The following FRMD5 variants were observed in gnomAD, a reference collection of about 807,000 sequenced individuals.
FRMD5 encodes the protein FERM domain containing 5, also known as FERM domain-containing protein 5.
FRMD5 carries 20 observed loss-of-function variants against 69.0 expected under a neutral mutation model. That is an observed-to-expected ratio of 0.29 (90% CI 0.20 to 0.42). The LOEUF is 0.42. Ranked by LOEUF, FRMD5 falls within the 10% of genes least tolerant of loss-of-function variation. The pLI is 1.00. For missense variants in FRMD5, 595 were observed against 708.6 expected (o/e 0.84, Z 1.82); for synonymous variants, 271 against 260.1 (o/e 1.04, Z -0.40).
chr15:43,885,886 T>C, intron 10 of FRMD5, 131 bp from the exon 11 acceptor site: 1 of 706,118 alleles, frequency 1.4e-6, no homozygotes, highest in Non-Finnish European at 2.6e-6. Context: ...TCCACATTTG[T>C]CTCTGACTCT....
At chr15:43,924,350 C>T in intron 1 of FRMD5, 41 bp from the exon 2 acceptor site, 2 of 1,400,940 alleles carry the variant, frequency 1.4e-6, no homozygotes. Flanking sequence ...GAGTGGGTTT[C>T]TTCAGTGTAA....
At chr15:44,032,770 C>A (rs2140288889) in intron 1 of FRMD5, among the ~76,000 whole-genome samples, 1 of 152,140 alleles carries the variant, frequency 6.6e-6, no homozygotes, top group East Asian at 1.9e-4. Flanking sequence ...TAAATTAGTT[C>A]AACCATTGTG....
rs551202578 is a variant in FRMD5, at chr15:43,874,605, C to T, written c.1136-143G>A. 1.8e-4 allele frequency: 115 copies of T among 648,958 alleles called. No individual in the cohort carries two copies. In the East Asian group the frequency reaches 2.8e-3, roughly 16 times the overall value. 40.2% of individuals were successfully genotyped at this position (648,958 alleles called of 1,614,324 possible). On this transcript the variant is annotated intron_variant, in intron 13 of 13. Coordinates refer to ENST00000417257, the MANE Select transcript of FRMD5 (RefSeq NM_032892.5). ...GCCACTGCACTCTATTTTGATATAT[C>T]GAGAAGACGACAGGCCGGGTATGGT...
chr15:44,029,111 C>T (rs1011238505), intron 1 of FRMD5, among the ~76,000 whole-genome samples: 1 of 152,158 alleles, frequency 6.6e-6, no homozygotes, highest in Non-Finnish European at 1.5e-5. Flanking sequence ...GGAAACTGAT[C>T]AACTAGCAAA....
At chr15:44,012,771 T>G (rs1227659940) in intron 1 of FRMD5, among the ~76,000 whole-genome samples, 2 of 149,280 alleles carry the variant, frequency 1.3e-5, no homozygotes, top group African/African-American at 4.9e-5. Flanking sequence ...GTTTTTTTTT[T>G]TTTTTTTTTT....
chr15:44,177,309 G>A (rs1425063225), intron 1 of FRMD5, among the ~76,000 whole-genome samples: 1 of 152,062 alleles, frequency 6.6e-6, no homozygotes, highest in African/African-American at 2.4e-5. Context: ...TAGCCAAAAA[G>A]TTGAAATGTC....
chr15:43,942,100 A>G (rs777219541), intron 1 of FRMD5, among the ~76,000 whole-genome samples: 20 of 152,224 alleles, frequency 1.3e-4, no homozygotes, highest in Non-Finnish European at 2.6e-4. Flanking sequence ...GGGTAGAGGG[A>G]GAGGAAGGAA....
At chr15:44,154,239 A>G (rs1233391978) in intron 1 of FRMD5, among the ~76,000 whole-genome samples, 1 of 152,026 alleles carries the variant, frequency 6.6e-6, no homozygotes, top group Non-Finnish European at 1.5e-5. Context: ...GGGAGGATCA[A>G]TTGAGCCTGG....
chr15:44,036,993 T>C (rs1891944338), intron 1 of FRMD5, among the ~76,000 whole-genome samples: 1 of 151,596 alleles, frequency 6.6e-6, no homozygotes, highest in Admixed American at 6.6e-5. Flanking sequence ...CAACTACAGT[T>C]TTTTTTTTAA....
intron 1 of FRMD5, among the ~76,000 whole-genome samples, chr15:44,049,454 C>G (rs1032462469): frequency 2.0e-5 from 3 of 152,092 alleles, no homozygotes; most frequent in Non-Finnish European, 4.4e-5. Flanking sequence ...ATTCCATATT[C>G]CAGCCATCAA....
intron 1 of FRMD5, among the ~76,000 whole-genome samples, chr15:44,028,094 AAAGG>A (rs1487109344): frequency 6.6e-6 from 1 of 152,196 alleles, no homozygotes; most frequent in Non-Finnish European, 1.5e-5. Context: ...ATCACACGGA[AAAGG>A]AAGGGAGAAT....
intron 2 of FRMD5, among the ~76,000 whole-genome samples, chr15:43,921,839 T>C (rs986709077): frequency 6.6e-5 from 10 of 152,016 alleles, no homozygotes; most frequent in Admixed American, 3.3e-4. Flanking sequence ...GGAAGGAAAG[T>C]AAGGGCAGCT....
intron 13 of FRMD5, chr15:43,876,036 T>C (rs1025674254): frequency 1.7e-6 from 2 of 1,192,726 alleles, no homozygotes; most frequent in Non-Finnish European, 1.3e-6. Context: ...TTCACTATAT[T>C]GTGTGGCCAC....
intron 1 of FRMD5, among the ~76,000 whole-genome samples, chr15:43,986,509 C>G (rs1413048445): frequency 6.6e-6 from 1 of 152,020 alleles, no homozygotes; most frequent in Non-Finnish European, 1.5e-5. Context: ...TGAAGATGTC[C>G]CAGAGGAAGT....
Position 44,031,496 on chromosome 15 carries a change from C to T in FRMD5, c.103-107187G>A, listed in dbSNP as rs1891680575. On this transcript the variant is annotated intron_variant, in intron 1 of 13. Coordinates refer to ENST00000417257, the MANE Select transcript of FRMD5 (RefSeq NM_032892.5). ...CCCTCTTCTTGGTTCATAGATGGTG[C>T]CTTCTTAATATGTCCTTACATGGTG... 8.5e-5 allele frequency among the ~76,000 whole-genome samples: 13 copies of T among 152,080 alleles called. No individual in the cohort carries two copies. The South Asian group carries it at 2.7e-3, about 32-fold the overall frequency.
At chr15:44,179,498 G>T (rs1427735323) in intron 1 of FRMD5, among the ~76,000 whole-genome samples, 1 of 152,182 alleles carries the variant, frequency 6.6e-6, no homozygotes, top group Non-Finnish European at 1.5e-5. Context: ...CCTGAAATCA[G>T]TTGAATGAGC....
rs866229632 is a variant in FRMD5 at position 44,007,741 on chromosome 15, G to A, written c.103-83432C>T. 6.1e-5 allele frequency among the ~76,000 whole-genome samples: 9 copies of A among 147,364 alleles called. 1 individual carries two copies. In the South Asian group the frequency reaches 1.5e-3, roughly 25 times the overall value. On this transcript the variant is annotated intron_variant, in intron 1 of 13. Coordinates refer to ENST00000417257, the MANE Select transcript of FRMD5 (RefSeq NM_032892.5). Reference sequence around the variant, plus strand: ...GCTCACCGCAACCTCCATCTCCCGGGTTCAAGTGATTCTCCTGCCTCAGCC... The same window carrying A: ...GCTCACCGCAACCTCCATCTCCCGGATTCAAGTGATTCTCCTGCCTCAGCC...
At chr15:44,181,796 C>T (rs1035016472) in intron 1 of FRMD5, among the ~76,000 whole-genome samples, 1 of 152,010 alleles carries the variant, frequency 6.6e-6, no homozygotes, top group Non-Finnish European at 1.5e-5. Context: ...GTCCCAGATA[C>T]TGGGGAGGCT....
chr15:44,015,462 C>A (rs952384739), intron 1 of FRMD5, among the ~76,000 whole-genome samples: 1 of 152,002 alleles, frequency 6.6e-6, no homozygotes, highest in Non-Finnish European at 1.5e-5. Flanking sequence ...TTTAATAGTG[C>A]ATTTTCTTCT....
Sources: gnomAD v4.1 joint callset for allele counts (sites outside exome capture counted in the v4.1 genomes callset) on GRCh38, gnomAD v4.1.1 for gene constraint, MANE v1.5 for transcripts, NCBI Gene and HGNC (gene_info 2026-07-23, HGNC 2026-07-21) for gene names.